The following GRK3 variants were observed in gnomAD, a reference collection of about 807,000 sequenced individuals.
GRK3 encodes G protein-coupled receptor kinase 3, also known as adrenergic, beta, receptor kinase 2.
In GRK3, 54 loss-of-function variants were observed where a neutral mutation model predicts 95.7. The observed-to-expected ratio is 0.56, with a 90% CI of 0.45 to 0.71. The LOEUF is 0.71. Ranked by LOEUF, GRK3 falls within the 30% of genes least tolerant of loss-of-function variation. The pLI, the probability that GRK3 is intolerant of heterozygous loss-of-function variation, is 0.00. For synonymous variants in GRK3, 281 were observed against 290.8 expected, an observed-to-expected ratio of 0.97 and a Z score of 0.34; for missense variants, 649 against 851.2, an observed-to-expected ratio of 0.76 and a Z score of 2.96.
rs146439724 is a variant in GRK3 at position 25,722,264 on chromosome 22, C to T, written c.1906-25C>T. 976 of 1,609,294 alleles carry T rather than the reference C, an allele frequency of 6.1e-4. 7 individuals are homozygous for T. The East Asian group carries it at 7.2e-3, about 12-fold the overall frequency. Reference sequence around the variant, plus strand: ...GGCAAAATGGGTGAGCCTGTCACAACGGCTGCCTTTGTATTCCCCCTCAGA... The same window carrying T: ...GGCAAAATGGGTGAGCCTGTCACAATGGCTGCCTTTGTATTCCCCCTCAGA... On this transcript the variant is annotated intron_variant, in intron 20 of 20. Transcript: ENST00000324198.
At chr22:25,672,585 A>C (rs2084991812) in intron 7 of GRK3, among the ~76,000 whole-genome samples, 1 of 152,210 alleles carries the variant, frequency 6.6e-6, no homozygotes, top group African/African-American at 2.4e-5. Flanking sequence ...AGATATTTTA[A>C]GAGGTAATTG....
At chr22:25,597,908 CTT>C (rs1270322109) in intron 1 of GRK3, among the ~76,000 whole-genome samples, 1 of 152,092 alleles carries the variant, frequency 6.6e-6, no homozygotes, top group Admixed American at 6.6e-5. Flanking sequence ...AAAACAAAGA[CTT>C]TTTAGACAAA....
chr22:25,609,357 A>C (rs578134693), intron 2 of GRK3, among the ~76,000 whole-genome samples: 7 of 150,766 alleles, frequency 4.6e-5, no homozygotes, highest in Admixed American at 4.6e-4. Context: ...TTTTTAAGAC[A>C]GTCTTGCCCT....
Position 25,604,435 on chromosome 22 carries a change from AT to A in GRK3, c.176del (p.Phe59SerfsTer15). 1 of 1,611,002 alleles carries A rather than the reference AT, an allele frequency of 6.2e-7. No homozygotes were observed. The highest frequency in any genetic ancestry group is 8.5e-7 in the Non-Finnish European group (1 of 1,178,836). On this transcript the variant is annotated frameshift_variant, in exon 2 of 21. Coordinates refer to ENST00000324198, the MANE Select transcript of GRK3 (RefSeq NM_005160.4). LOFTEE classifies it high-confidence loss of function. Reference sequence around the variant, plus strand: ...GAGAAATGAAATAACCTTTGACAAGATTTTCAATCAGAAAATTGGTAAGTCC... The same window carrying A: ...GAGAAATGAAATAACCTTTGACAAGATTTCAATCAGAAAATTGGTAAGTCC... Reference protein sequence around the residue: ...AERNEITFDKIFNQKIGFLLF... With the variant: ...AERNEITFDKXFNQKIGFLLF...
chr22:25,704,418 A>G (rs1672155792), intron 15 of GRK3, among the ~76,000 whole-genome samples: 1 of 152,082 alleles, frequency 6.6e-6, no homozygotes, highest in South Asian at 2.1e-4. Context: ...TTTTTACTTT[A>G]TTTATTTTTG....
At chr22:25,688,039 A>G (rs1424241912) in intron 11 of GRK3, among the ~76,000 whole-genome samples, 1 of 152,168 alleles carries the variant, frequency 6.6e-6, no homozygotes, top group Non-Finnish European at 1.5e-5. Flanking sequence ...GATCAAGGCC[A>G]TCCTGGCTAA....
At chr22:25,605,408 A>G (rs1292460494) in intron 2 of GRK3, among the ~76,000 whole-genome samples, 8 of 152,350 alleles carry the variant, frequency 5.3e-5, no homozygotes, top group African/African-American at 1.9e-4. Flanking sequence ...TGTGGTTACT[A>G]TAAGCTACAC....
chr22:25,569,550 C>T (rs956982931), intron 1 of GRK3, among the ~76,000 whole-genome samples: 6 of 152,180 alleles, frequency 3.9e-5, no homozygotes, highest in African/African-American at 1.4e-4. Flanking sequence ...CCCAGTACAC[C>T]GGACTTTGCC....
At chr22:25,616,989 A>G (rs1300923041) in intron 2 of GRK3, among the ~76,000 whole-genome samples, 2 of 152,200 alleles carry the variant, frequency 1.3e-5, no homozygotes, top group Admixed American at 1.3e-4. Flanking sequence ...GCTTTTTGCT[A>G]GATGAACAGA....
rs904622442 is a variant in GRK3, at chr22:25,728,970, G to T, written c.*6520G>T. The T allele has an allele frequency of 6.6e-6, 1 of 152,086 alleles. No individual in the cohort carries two copies. Among genetic ancestry groups the T allele is most frequent in the African/African-American group, 2.4e-5 (1 of 41,394 alleles). The allele number at this position is 152,086 out of a possible 1,614,324, so 9.4% of individuals were successfully genotyped here. On this transcript the variant is annotated 3_prime_UTR_variant, in exon 21 of 21. Transcript: ENST00000324198. ...TGAAGAAAGAAATCCGTTTTCTATT[G>T]TGCATTGCTATACGAAGTGAAGCCA...
intron 1 of GRK3, among the ~76,000 whole-genome samples, chr22:25,604,072 G>A (rs7284433): frequency 0.017 from 2,608 of 152,154 alleles, 79 homozygotes; most frequent in African/African-American, 0.059. Context: ...GTGTTTGTGC[G>A]TGCAGACACA....
At chr22:25,578,854 A>T (rs925833753) in intron 1 of GRK3, among the ~76,000 whole-genome samples, 2 of 152,110 alleles carry the variant, frequency 1.3e-5, no homozygotes, top group African/African-American at 4.8e-5. Context: ...TCTGTAAGAG[A>T]GTCAATTTCT....
chr22:25,663,963 C>T (rs959077354), intron 5 of GRK3, among the ~76,000 whole-genome samples: 1 of 152,202 alleles, frequency 6.6e-6, no homozygotes, highest in East Asian at 1.9e-4. Flanking sequence ...TTCTAGAAAT[C>T]AGTCAAGATA....
intron 13 of GRK3, among the ~76,000 whole-genome samples, chr22:25,700,091 C>G (rs968552301): frequency 6.6e-6 from 1 of 152,190 alleles, no homozygotes; most frequent in Non-Finnish European, 1.5e-5. Context: ...TTGTCTTTAT[C>G]CCCTACAAGA....
intron 1 of GRK3, among the ~76,000 whole-genome samples, chr22:25,593,212 C>T (rs1054346942): frequency 6.6e-6 from 1 of 151,260 alleles, no homozygotes; most frequent in African/African-American, 2.4e-5. Context: ...AATAGGATTG[C>T]TGGGTTGAAT....
chr22:25,727,608 A>G lies in GRK3; in HGVS notation c.*5158A>G, dbSNP rs370366545. ...AGTATACGCATTTCATCAAACACAT[A>G]TAGGGGAAAAAATCCTTCAATTTAG... On this transcript the variant is annotated 3_prime_UTR_variant, in exon 21 of 21. Transcript: ENST00000324198. 1 of 152,234 alleles carries G rather than the reference A, an allele frequency of 6.6e-6. No individual in the cohort carries two copies. Among genetic ancestry groups the G allele is most frequent in the East Asian group, 1.9e-4 (1 of 5,206 alleles). The allele number at this position is 152,234 out of a possible 1,614,324, so 9.4% of individuals were successfully genotyped here.
At chr22:25,720,388 A>C (rs2146476020) in intron 19 of GRK3, among the ~76,000 whole-genome samples, 1 of 150,372 alleles carries the variant, frequency 6.7e-6, no homozygotes, top group Non-Finnish European at 1.5e-5. Flanking sequence ...TTCCTGAAGT[A>C]TTTATTTAAA....
chr22:25,585,482 A>C (rs1300214083), intron 1 of GRK3, among the ~76,000 whole-genome samples: 1 of 152,054 alleles, frequency 6.6e-6, no homozygotes. Flanking sequence ...AACTGACCTC[A>C]TATATATGTC....
intron 3 of GRK3, among the ~76,000 whole-genome samples, chr22:25,661,114 C>A (rs1569183496): frequency 6.6e-6 from 1 of 152,168 alleles, no homozygotes; most frequent in African/African-American, 2.4e-5. Flanking sequence ...TGAAAAATCT[C>A]TTTGCAGGAA....
Sources: allele counts gnomAD v4.1 joint callset (sites outside exome capture counted in the v4.1 genomes callset), GRCh38; gene constraint gnomAD v4.1.1; transcripts MANE v1.5; gene names NCBI Gene and HGNC (gene_info 2026-07-23, HGNC 2026-07-21).